Variants in NRXN3 observed in about 807,000 individuals in gnomAD.
The protein encoded by NRXN3 is neurexin III.
A neutral mutation model predicts 137.6 loss-of-function variants in NRXN3; 32 were observed. The ratio of observed to expected loss-of-function variants is 0.23; its 90% CI spans 0.18 to 0.31. The LOEUF is 0.31. NRXN3 is among the 10% of genes least tolerant of loss of function. The pLI is 1.00. For synonymous variants in NRXN3, 798 were observed against 784.5 expected, an observed-to-expected ratio of 1.02 and a Z score of -0.29; for missense variants, 1,574 against 2,062.5, an observed-to-expected ratio of 0.76 and a Z score of 4.59.
intron 15 of NRXN3, among the ~76,000 whole-genome samples, chr14:79,449,428 T>A (rs559112176): frequency 6.6e-6 from 1 of 152,032 alleles, no homozygotes; most frequent in Admixed American, 6.5e-5. Flanking sequence ...CAATAGGATC[T>A]GGAAAAAAAA....
chr14:78,960,068 A>G (rs17835920), intron 11 of NRXN3, among the ~76,000 whole-genome samples: 7,567 of 152,274 alleles, frequency 0.05, 249 homozygotes, highest in Non-Finnish European at 0.079. Context: ...ACTTTCTTTT[A>G]CCACTAATAA....
At chr14:79,516,330 C>G (rs1339443818) in intron 16 of NRXN3, among the ~76,000 whole-genome samples, 1 of 152,112 alleles carries the variant, frequency 6.6e-6, no homozygotes, top group East Asian at 1.9e-4. Flanking sequence ...CAGGTGACCT[C>G]AATCACTGCC....
chr14:79,353,231 C>T (rs1420275384), intron 15 of NRXN3, among the ~76,000 whole-genome samples: 1 of 151,688 alleles, frequency 6.6e-6, no homozygotes. Context: ...AGGTTAAGCA[C>T]TTTTGATCAA....
chr14:79,605,341 TAATAAAATTA>T, intron 16 of NRXN3, among the ~76,000 whole-genome samples: 1 of 152,330 alleles, frequency 6.6e-6, no homozygotes, highest in Non-Finnish European at 1.5e-5. Flanking sequence ...TCAGAAATTT[TAATAAAATTA>T]TTTTTTTCTC....
intron 15 of NRXN3, among the ~76,000 whole-genome samples, chr14:79,126,465 A>G (rs964096459): frequency 2.0e-5 from 3 of 151,898 alleles, no homozygotes; most frequent in South Asian, 2.1e-4. Context: ...GAGAATGATG[A>G]TTTCCAATTT....
intron 6 of NRXN3, among the ~76,000 whole-genome samples, chr14:78,687,619 C>T (rs1481220136): frequency 6.6e-6 from 1 of 152,170 alleles, no homozygotes; most frequent in East Asian, 1.9e-4. Flanking sequence ...TTGTATATCC[C>T]TGTGTTTTGG....
intron 15 of NRXN3, among the ~76,000 whole-genome samples, chr14:79,134,426 A>G (rs1659448290): frequency 6.6e-6 from 1 of 152,244 alleles, no homozygotes. Context: ...TTAGTTCTTC[A>G]GGCAGCAATT....
intron 19 of NRXN3, among the ~76,000 whole-genome samples, chr14:79,737,341 T>C (rs1370472819): frequency 7.2e-5 from 11 of 152,212 alleles, no homozygotes; most frequent in Non-Finnish European, 1.2e-4. Flanking sequence ...CTTAATTTTA[T>C]TGGGAGTTAT....
intron 4 of NRXN3, among the ~76,000 whole-genome samples, chr14:78,449,441 T>C (rs1030865883): frequency 6.6e-6 from 1 of 152,342 alleles, no homozygotes; most frequent in South Asian, 2.1e-4. Context: ...CTTGAACTCC[T>C]GGCCCCAAGT....
At chr14:78,821,231 T>A (rs1290829640) in intron 10 of NRXN3, among the ~76,000 whole-genome samples, 1 of 152,112 alleles carries the variant, frequency 6.6e-6, no homozygotes, top group Non-Finnish European at 1.5e-5. Context: ...ATCCAGGAGA[T>A]GACAGAGAAA....
chr14:79,293,960 G>A (rs559032668), intron 15 of NRXN3, among the ~76,000 whole-genome samples: 31 of 152,228 alleles, frequency 2.0e-4, no homozygotes, highest in Non-Finnish European at 3.4e-4. Flanking sequence ...CTTAGATCCC[G>A]CGCTTGCTTT....
At chr14:79,249,582 A>T (rs1337482966) in intron 15 of NRXN3, among the ~76,000 whole-genome samples, 4 of 152,200 alleles carry the variant, frequency 2.6e-5, no homozygotes, top group Non-Finnish European at 5.9e-5. Flanking sequence ...CAACTCGGTT[A>T]TCACTTTGGT....
intron 8 of NRXN3, among the ~76,000 whole-genome samples, chr14:78,738,629 G>T (rs764787215): frequency 4.6e-5 from 7 of 152,272 alleles, no homozygotes; most frequent in Middle Eastern, 3.4e-3. Context: ...AAAACTCTAC[G>T]CATGAAGAGG....
rs994347813 is a variant in NRXN3, at chr14:79,399,035, A to T, written c.3263-68186A>T. ...AAAAAAAAAAAAAAAAAAGAAGAAG[A>T]AAAAAAAAAAGCTGGGAGTTTCATT... On this transcript the variant is annotated intron_variant, in intron 15 of 20. Coordinates refer to ENST00000335750, the MANE Select transcript of NRXN3 (RefSeq NM_001330195.2). Among the ~76,000 whole-genome samples the T allele has an allele frequency of 2.0e-5, 3 of 146,826 alleles. No individual in the cohort carries two copies. The Admixed American group carries it at 2.0e-4, about 10-fold the overall frequency.
At chr14:79,769,875 A>C (rs1306100205) in intron 19 of NRXN3, among the ~76,000 whole-genome samples, 1 of 152,188 alleles carries the variant, frequency 6.6e-6, no homozygotes, top group Non-Finnish European at 1.5e-5. Context: ...TATTCAGGAA[A>C]CCCATCTCAC....
intron 15 of NRXN3, among the ~76,000 whole-genome samples, chr14:79,263,721 CT>C (rs913817530): frequency 6.6e-6 from 1 of 151,998 alleles, no homozygotes; most frequent in Non-Finnish European, 1.5e-5. Flanking sequence ...AATCTTTGGA[CT>C]TTTTTTCCAG....
intron 15 of NRXN3, among the ~76,000 whole-genome samples, chr14:79,056,453 C>T (rs959816432): frequency 6.6e-6 from 1 of 151,866 alleles, no homozygotes; most frequent in Non-Finnish European, 1.5e-5. Context: ...GACTGGGTAA[C>T]AGTGTACATA....
chr14:79,213,917 C>T (rs904790223), intron 15 of NRXN3, among the ~76,000 whole-genome samples: 14 of 152,168 alleles, frequency 9.2e-5, no homozygotes, highest in South Asian at 2.1e-4. Flanking sequence ...TAGAAAGCTA[C>T]GCTACTTGAT....
At chr14:79,453,783 G>C (rs964209012) in intron 15 of NRXN3, among the ~76,000 whole-genome samples, 27 of 152,116 alleles carry the variant, frequency 1.8e-4, no homozygotes. Flanking sequence ...ACCAACCCCA[G>C]ATCCTTCTTT....
Sources: gnomAD v4.1 joint callset for allele counts (sites outside exome capture counted in the v4.1 genomes callset) on GRCh38, gnomAD v4.1.1 for gene constraint, MANE v1.5 for transcripts, NCBI Gene and HGNC (gene_info 2026-07-23, HGNC 2026-07-21) for gene names.